Variants in DENND5A observed in about 807,000 individuals in gnomAD.
DENND5A encodes DENN domain-containing protein 5A.
In DENND5A, 64 loss-of-function variants were observed where a neutral mutation model predicts 140.3. The ratio of observed to expected loss-of-function variants is 0.46; its 90% CI spans 0.37 to 0.56. The LOEUF is 0.56. DENND5A is among the 20% of genes least tolerant of loss of function. The pLI, the probability that DENND5A is intolerant of heterozygous loss-of-function variation, is 0.00. For synonymous variants in DENND5A, 605 were observed against 607.7 expected (o/e 1.00, Z 0.07); for missense variants, 1,292 against 1,593.8 (o/e 0.81, Z 3.22).
chr11:9,164,056 G>GTTTTTTTTTTTTTTTT (rs768604681), intron 11 of DENND5A, among the ~76,000 whole-genome samples: 2 of 57,978 alleles, frequency 3.4e-5, no homozygotes, highest in African/African-American at 6.4e-5. Flanking sequence ...TATTAATCAG[G>GTTTTTTTTTTTTTTTT]TTTTTTTTTT....
At chr11:9,162,216 C>T (rs1180928766) in intron 11 of DENND5A, among the ~76,000 whole-genome samples, 6 of 148,664 alleles carry the variant, frequency 4.0e-5, no homozygotes, top group African/African-American at 7.4e-5. Context: ...TTATGACCAG[C>T]GCCAGGCCAG....
At chr11:9,230,486 C>G (rs1850726162) in intron 1 of DENND5A, among the ~76,000 whole-genome samples, 1 of 152,056 alleles carries the variant, frequency 6.6e-6, no homozygotes, top group East Asian at 1.9e-4. Context: ...AGCAATCCTC[C>G]CAGCACAGCC....
At chr11:9,179,450 G>A (rs1226079967) in intron 6 of DENND5A, among the ~76,000 whole-genome samples, 2 of 150,950 alleles carry the variant, frequency 1.3e-5, no homozygotes, top group Non-Finnish European at 3.0e-5. Flanking sequence ...TGGCTCTCTT[G>A]ATTTTTTATT....
At chr11:9,211,929 CAAAAAAAAAAA>C (rs71453905) in intron 1 of DENND5A, among the ~76,000 whole-genome samples, 27 of 84,870 alleles carry the variant, frequency 3.2e-4, no homozygotes, top group East Asian at 2.0e-3. Flanking sequence ...GACTCCGTCT[CAAAAAAAAAAA>C]AAAAAAAAAC....
At chr11:9,194,191 C>T (rs1184570029) in intron 4 of DENND5A, among the ~76,000 whole-genome samples, 4 of 152,078 alleles carry the variant, frequency 2.6e-5, no homozygotes, top group Non-Finnish European at 4.4e-5. Context: ...GTTTTCCACA[C>T]TAGCCAAGTC....
intron 1 of DENND5A, 98 bp downstream of exon 1, chr11:9,264,863 C>T: frequency 3.5e-6 from 4 of 1,154,016 alleles, no homozygotes; most frequent in Non-Finnish European, 4.9e-6. Context: ...CGACACTCGC[C>T]CGGCTCCCGG....
chr11:9,170,364 A>T, intron 9 of DENND5A: 1 of 869,826 alleles, frequency 1.1e-6, no homozygotes, highest in South Asian at 5.3e-5. Flanking sequence ...TCCAGGCATG[A>T]GATGATTTTA....
At chr11:9,176,809 C>A in intron 8 of DENND5A, 1 of 447,136 alleles carries the variant, frequency 2.2e-6, no homozygotes, top group Non-Finnish European at 4.5e-6. Context: ...GCTCATAGAC[C>A]TTCATACTGT....
rs199622327 is a variant in DENND5A at position 9,180,953 on chromosome 11, T to A, written c.1269A>T (p.Glu423Asp). ...EILMAFGIPPEGNLHCSESAS... is the reference protein window; with the variant it reads ...EILMAFGIPPDGNLHCSESAS... Reference sequence around the variant, plus strand: ...CACTCTCACTGCAATGAAGATTCCCTTCAGGGGGAATTCCAAATGCCATGA... The same window carrying A: ...CACTCTCACTGCAATGAAGATTCCCATCAGGGGGAATTCCAAATGCCATGA... The change falls in exon 6 of 23, where the codon GAA (glutamate) becomes GAT (aspartate). Residue 423 changes from glutamate to aspartate, a missense_variant. Around this residue, in one of 4 missense-constraint regions of DENND5A, gnomAD observed 566 missense variants for 650.4 expected, o/e 0.87. Coordinates refer to ENST00000328194, the MANE Select transcript of DENND5A (RefSeq NM_015213.4). 6.2e-7 allele frequency: 1 copy of A among 1,614,036 alleles called. No homozygotes were observed. Among genetic ancestry groups the A allele is most frequent in the African/African-American group, 1.3e-5 (1 of 74,918 alleles).
chr11:9,172,507 G>A (rs971687230), intron 8 of DENND5A, among the ~76,000 whole-genome samples: 1 of 152,216 alleles, frequency 6.6e-6, no homozygotes, highest in African/African-American at 2.4e-5. Context: ...GAGGGACCCA[G>A]TGGGAGGTAA....
At chr11:9,150,974 AT>A (rs1847597634) in intron 13 of DENND5A, among the ~76,000 whole-genome samples, 1 of 152,202 alleles carries the variant, frequency 6.6e-6, no homozygotes, top group African/African-American at 2.4e-5. Context: ...TTCTCTAACA[AT>A]TTATAAGGTA....
chr11:9,251,521 T>C (rs1229659916), intron 1 of DENND5A, among the ~76,000 whole-genome samples: 1 of 152,166 alleles, frequency 6.6e-6, no homozygotes, highest in Non-Finnish European at 1.5e-5. Flanking sequence ...TCTGATCCCC[T>C]GAAGGCATAC....
In DENND5A at chr11:9,160,886, G is replaced by A. The variant is rs1316594410; in HGVS notation, c.2284-21C>T. On this transcript the variant is annotated intron_variant, in intron 11 of 22. Coordinates refer to ENST00000328194, the MANE Select transcript of DENND5A (RefSeq NM_015213.4). ...TTGGTCTACAAGGAAGCAGTCAACA[G>A]GATTAAATAACCACAGTGAGCAGGA... 7 of 1,611,712 alleles carry A rather than the reference G, an allele frequency of 4.3e-6. No individual in the cohort carries two copies. In the Admixed American group the frequency reaches 6.7e-5, roughly 15 times the overall value.
chr11:9,157,370 G>A (rs1251207589), intron 12 of DENND5A, among the ~76,000 whole-genome samples: 1 of 152,164 alleles, frequency 6.6e-6, no homozygotes, highest in Non-Finnish European at 1.5e-5. Flanking sequence ...ACACATGCAA[G>A]TTTGTTATAT....
At chr11:9,194,033 A>G (rs887590269) in intron 4 of DENND5A, among the ~76,000 whole-genome samples, 4 of 152,244 alleles carry the variant, frequency 2.6e-5, no homozygotes, top group African/African-American at 9.6e-5. Flanking sequence ...ACAAAAAGAA[A>G]GACAGTGGTC....
rs144973789 is a variant in DENND5A at position 9,204,650 on chromosome 11, G to A, written c.292-333C>T. Reference sequence around the variant, plus strand: ...GGCCAAGGCAGGTGGATCGCTTGAGGCCAGCAGTTCAAGACCAGCCTGGGC... The same window carrying A: ...GGCCAAGGCAGGTGGATCGCTTGAGACCAGCAGTTCAAGACCAGCCTGGGC... On this transcript the variant is annotated intron_variant, in intron 3 of 22. Coordinates refer to ENST00000328194, the MANE Select transcript of DENND5A (RefSeq NM_015213.4). Among the ~76,000 whole-genome samples the A allele has an allele frequency of 3.2e-3, 480 of 152,252 alleles. 2 individuals are homozygous for A. The highest frequency in any genetic ancestry group is 0.011 in the African/African-American group (458 of 41,550).
At chr11:9,169,051 T>G (rs1478705797) in intron 10 of DENND5A, among the ~76,000 whole-genome samples, 2 of 152,016 alleles carry the variant, frequency 1.3e-5, no homozygotes, top group African/African-American at 4.8e-5. Context: ...ATAATAATGT[T>G]CCTCTCCTTT....
intron 1 of DENND5A, among the ~76,000 whole-genome samples, chr11:9,222,423 C>T (rs183728881): frequency 3.9e-5 from 6 of 152,170 alleles, no homozygotes; most frequent in Admixed American, 2.6e-4. Flanking sequence ...ATGTTTGAAA[C>T]CTTTTAGATC....
intron 1 of DENND5A, among the ~76,000 whole-genome samples, chr11:9,255,778 T>C (rs549199742): frequency 2.6e-5 from 4 of 152,052 alleles, no homozygotes; most frequent in South Asian, 2.1e-4. Flanking sequence ...GGCAGGATAA[T>C]TGCTTGAACC....
Sources: gnomAD v4.1 joint callset for allele counts (sites outside exome capture counted in the v4.1 genomes callset) on GRCh38, gnomAD v4.1.1 for gene constraint, gnomAD v4.1.1 regional missense constraint, MANE v1.5 for transcripts, NCBI Gene and HGNC (gene_info 2026-07-23, HGNC 2026-07-21) for gene names.